DLG2: variants seen among roughly 807,000 people sequenced by gnomAD.
DLG2 encodes disks large homolog 2.
A neutral mutation model predicts 132.5 loss-of-function variants in DLG2; 45 were observed. That is an observed-to-expected ratio of 0.34 (90% CI 0.27 to 0.44). The LOEUF (loss-of-function observed/expected upper bound fraction) is 0.44. Ranked by LOEUF, DLG2 falls within the 20% of genes least tolerant of loss-of-function variation. The probability of loss-of-function intolerance (pLI) is 1.00; values close to 1 mark genes in which losing one functional copy is unlikely to be tolerated. For synonymous variants in DLG2, 424 were observed against 419.6 expected, an observed-to-expected ratio of 1.01 and a Z score of -0.13; for missense variants, 1,045 against 1,196.9, an observed-to-expected ratio of 0.87 and a Z score of 1.87.
intron 15 of DLG2, among the ~76,000 whole-genome samples, chr11:83,917,797 A>G (rs1400972730): frequency 6.6e-6 from 1 of 152,234 alleles, no homozygotes; most frequent in Non-Finnish European, 1.5e-5. Context: ...GTCACATGAT[A>G]ACATACAGCA....
intron 3 of DLG2, among the ~76,000 whole-genome samples, chr11:85,342,610 G>A (rs948652805): frequency 2.6e-5 from 4 of 152,198 alleles, no homozygotes; most frequent in Admixed American, 1.3e-4. Flanking sequence ...ACATAAACCA[G>A]TAACACAGTC....
chr11:85,482,562 T>C (rs2093323612), intron 3 of DLG2, among the ~76,000 whole-genome samples: 3 of 152,064 alleles, frequency 2.0e-5, no homozygotes, highest in African/African-American at 7.2e-5. Flanking sequence ...GCTTTATGGA[T>C]CCAATCCCTA....
In DLG2 at chr11:84,206,983, C is replaced by G. The variant is rs188165701; in HGVS notation, c.574-43472G>C. ...ATTTGCATGTATGTATATTACCAAC[C>G]AACTGTTGGAAAATTAAATTTAAAA... On this transcript the variant is annotated intron_variant, in intron 8 of 27. Transcript: ENST00000376104. Among the ~76,000 whole-genome samples, 139 of 151,540 alleles carry G rather than the reference C, an allele frequency of 9.2e-4. 1 individual carries two copies. Among genetic ancestry groups the G allele is most frequent in the Non-Finnish European group, 1.4e-3 (98 of 67,776 alleles).
chr11:85,402,343 A>C (rs2088221985), intron 3 of DLG2, among the ~76,000 whole-genome samples: 1 of 152,242 alleles, frequency 6.6e-6, no homozygotes, highest in Admixed American at 6.6e-5. Context: ...GATTAACTCA[A>C]GATGGTTTAA....
intron 7 of DLG2, among the ~76,000 whole-genome samples, chr11:84,327,408 T>C (rs1453548450): frequency 6.6e-6 from 1 of 152,156 alleles, no homozygotes; most frequent in Non-Finnish European, 1.5e-5. Flanking sequence ...AAAATCCACT[T>C]AGCTATTCTA....
intron 3 of DLG2, among the ~76,000 whole-genome samples, chr11:85,479,609 C>T (rs1455895486): frequency 6.6e-6 from 1 of 152,180 alleles, no homozygotes; most frequent in Non-Finnish European, 1.5e-5. Flanking sequence ...AACCTCTCTA[C>T]TTATCAGGAA....
intron 17 of DLG2, among the ~76,000 whole-genome samples, chr11:83,794,537 A>G (rs1200842620): frequency 6.6e-6 from 1 of 151,384 alleles, no homozygotes; most frequent in Non-Finnish European, 1.5e-5. Context: ...CTCTCCAAGA[A>G]AAATTCTTTT....
chr11:83,515,614 T>C (rs771328169), intron 21 of DLG2, among the ~76,000 whole-genome samples: 10 of 152,212 alleles, frequency 6.6e-5, no homozygotes, highest in Non-Finnish European at 1.5e-4. Context: ...AATTGTGATG[T>C]TAGGGTGTCA....
chr11:83,464,637 G>T (rs1186868126), intron 26 of DLG2, among the ~76,000 whole-genome samples: 1 of 152,192 alleles, frequency 6.6e-6, no homozygotes, highest in Non-Finnish European at 1.5e-5. Context: ...AAGTGGCTGT[G>T]ACAGTGCCCT....
At chr11:83,827,903 C>T (rs982320135) in intron 17 of DLG2, among the ~76,000 whole-genome samples, 17 of 152,094 alleles carry the variant, frequency 1.1e-4, no homozygotes, top group African/African-American at 3.6e-4. Flanking sequence ...TACTGAATTC[C>T]GTTCTGCAAC....
At chr11:83,617,266 T>C (rs867961696) in intron 19 of DLG2, among the ~76,000 whole-genome samples, 1 of 152,224 alleles carries the variant, frequency 6.6e-6, no homozygotes, top group Non-Finnish European at 1.5e-5. Context: ...CTTTGCCACA[T>C]TGCATCTTCC....
intron 4 of DLG2, among the ~76,000 whole-genome samples, chr11:85,220,785 A>C (rs1194844783): frequency 6.6e-6 from 1 of 151,672 alleles, no homozygotes; most frequent in East Asian, 1.9e-4. Context: ...ATAATAAATA[A>C]ATATTTATTT....
chr11:83,897,912 C>T (rs2072248850), intron 15 of DLG2, among the ~76,000 whole-genome samples: 1 of 152,092 alleles, frequency 6.6e-6, no homozygotes, highest in African/African-American at 2.4e-5. Flanking sequence ...ATGGTTGTAT[C>T]ATCCCCATTT....
chr11:85,412,760 C>CATATATATATATAT (rs200280952), intron 3 of DLG2, among the ~76,000 whole-genome samples: 2 of 113,244 alleles, frequency 1.8e-5, no homozygotes, highest in African/African-American at 3.7e-5. Context: ...CACACACACA[C>CATATATATATATAT]ATATATATAT....
chr11:84,813,477 T>G lies in DLG2; in HGVS notation c.358-278746A>C, dbSNP rs186270194. On this transcript the variant is annotated intron_variant, in intron 6 of 27. Transcript: ENST00000376104. ...AGCACTAACATTGAAAGTCATGTTT[T>G]TCTACTCTAAGACCCAAACTCATTC... 8.1e-4 allele frequency among the ~76,000 whole-genome samples: 123 copies of G among 152,272 alleles called. 1 individual carries two copies. Among genetic ancestry groups the G allele is most frequent in the Admixed American group, 2.7e-3 (41 of 15,294 alleles).
chr11:84,383,999 A>G (rs2098758624), intron 7 of DLG2, among the ~76,000 whole-genome samples: 1 of 151,232 alleles, frequency 6.6e-6, no homozygotes, highest in South Asian at 2.1e-4. Flanking sequence ...TGAAACTTTT[A>G]TACTCAAATA....
chr11:84,922,510 G>A (rs1591347987), intron 6 of DLG2, among the ~76,000 whole-genome samples: 1 of 152,062 alleles, frequency 6.6e-6, no homozygotes, highest in Non-Finnish European at 1.5e-5. Flanking sequence ...GGACAGCAGC[G>A]CCCACGCAGC....
chr11:84,539,760 G>C (rs941648671), intron 6 of DLG2, among the ~76,000 whole-genome samples: 2 of 152,082 alleles, frequency 1.3e-5, no homozygotes, highest in Non-Finnish European at 2.9e-5. Context: ...ACAATCCTAA[G>C]CCAAAAGAAC....
chr11:85,560,678 T>A (rs1329582239), intron 3 of DLG2, among the ~76,000 whole-genome samples: 1 of 151,896 alleles, frequency 6.6e-6, no homozygotes, highest in Admixed American at 6.6e-5. Flanking sequence ...AATGATACAC[T>A]TATAATGGAT....
Sources: gnomAD v4.1 joint callset for allele counts (sites outside exome capture counted in the v4.1 genomes callset) on GRCh38, gnomAD v4.1.1 for gene constraint, MANE v1.5 for transcripts, NCBI Gene and HGNC (gene_info 2026-07-23, HGNC 2026-07-21) for gene names.